Variants in EVA1A observed in about 807,000 individuals in gnomAD.
EVA1A encodes the protein eva-1 homolog A, regulator of programmed cell death.
A neutral mutation model predicts 9.8 loss-of-function variants in EVA1A; 7 were observed. The observed-to-expected ratio is 0.71, with a 90% CI of 0.41 to 1.34. The LOEUF is 1.34. Among genes scored for constraint, EVA1A ranks in the 40% most tolerant of loss-of-function variants. EVA1A has a pLI of 0.01. For synonymous variants in EVA1A, 90 were observed against 85.6 expected, an observed-to-expected ratio of 1.05 and a Z score of -0.28; for missense variants, 206 against 205.9, an observed-to-expected ratio of 1.00 and a Z score of 0.00.
At chr2:75,495,837 G>A (rs1020608881) in intron 3 of EVA1A, among the ~76,000 whole-genome samples, 1 of 152,124 alleles carries the variant, frequency 6.6e-6, no homozygotes, top group African/African-American at 2.4e-5. Flanking sequence ...TACATCATCA[G>A]CCTCAATCTT....
upstream of EVA1A, among the ~76,000 whole-genome samples, chr2:75,561,795 A>G (rs1676929983): frequency 6.6e-6 from 1 of 152,162 alleles, no homozygotes; most frequent in South Asian, 2.1e-4. Flanking sequence ...ATGGTGGGGA[A>G]CAGGGAGGAA....
rs1675536045 is a variant in EVA1A, at chr2:75,528,594, TC to T, written c.-191-6108del. On this transcript the variant is annotated intron_variant, in intron 1 of 3. Coordinates refer to ENST00000393913, the MANE Select transcript of EVA1A (RefSeq NM_001135032.2). ...CATTGGCCTGAGAACCACTGCCCCG[TC>T]CCCCCAGGTGGTCTCTGCAGGCACC... Among the ~76,000 whole-genome samples, 5 of 151,938 alleles carry T rather than the reference TC, an allele frequency of 3.3e-5. No homozygotes were observed. In the South Asian group the frequency reaches 1.0e-3, roughly 32 times the overall value.
At chr2:75,501,780 AATC>A (rs1334849414) in intron 3 of EVA1A, among the ~76,000 whole-genome samples, 1 of 152,176 alleles carries the variant, frequency 6.6e-6, no homozygotes, top group East Asian at 1.9e-4. Flanking sequence ...AGTAAGTGGG[AATC>A]AGCAGGCGAG....
chr2:75,529,185 C>G (rs1006791216), intron 1 of EVA1A, among the ~76,000 whole-genome samples: 6 of 152,064 alleles, frequency 3.9e-5, no homozygotes, highest in African/African-American at 1.2e-4. Context: ...TTCAGCAAAC[C>G]CTAACCCTAA....
chr2:75,493,530 T>C lies in EVA1A; in HGVS notation c.165A>G (p.Ile55Met), dbSNP rs781069803. 4.3e-6 allele frequency: 7 copies of C among 1,614,180 alleles called. No individual in the cohort carries two copies. The Admixed American group carries it at 1.2e-4, about 27-fold the overall frequency. Residue 55 changes from isoleucine (I) to methionine (M), a missense_variant, in exon 4 of 4, where the codon ATA becomes ATG. By Grantham distance (10) the Ile-to-Met change is conservative (BLOSUM62 1). Transcript: ENST00000393913. ...GLVLTLAALV[I>M]RISCHTDCRR... ...TGCAGTCTGTGTGGCAAGAGATCCT[T>C]ATCACCAGAGCAGCCAGGGTCAGCA...
chr2:75,504,734 C>T (rs1257603488), intron 3 of EVA1A, among the ~76,000 whole-genome samples: 2 of 137,116 alleles, frequency 1.5e-5, no homozygotes, highest in African/African-American at 2.8e-5. Context: ...TGTTCTCACT[C>T]ATAAGTGGGA....
intron 3 of EVA1A, among the ~76,000 whole-genome samples, chr2:75,508,297 C>A (rs1674689638): frequency 6.6e-6 from 1 of 152,182 alleles, no homozygotes; most frequent in South Asian, 2.1e-4. Flanking sequence ...CAGAACAGAG[C>A]CATATTTCTC....
At chr2:75,504,465 C>T (rs969295605) in intron 3 of EVA1A, among the ~76,000 whole-genome samples, 6 of 152,176 alleles carry the variant, frequency 3.9e-5, no homozygotes, top group Non-Finnish European at 5.9e-5. Flanking sequence ...TGCCCCACCC[C>T]ATTGGAAAGG....
intron 3 of EVA1A, among the ~76,000 whole-genome samples, chr2:75,505,080 C>T (rs1392851913): frequency 3.9e-5 from 6 of 152,206 alleles, no homozygotes; most frequent in African/African-American, 1.4e-4. Context: ...TCTTCCCCTG[C>T]AAGGGAAAGA....
intron 1 of EVA1A, among the ~76,000 whole-genome samples, chr2:75,535,550 C>A (rs1675852249): frequency 6.6e-6 from 1 of 152,128 alleles, no homozygotes; most frequent in African/African-American, 2.4e-5. Flanking sequence ...GTAACCTCAG[C>A]CAATGAATAA....
intron 3 of EVA1A, among the ~76,000 whole-genome samples, chr2:75,496,789 T>C (rs986157158): frequency 6.6e-6 from 1 of 152,146 alleles, no homozygotes; most frequent in East Asian, 1.9e-4. Flanking sequence ...CTTCAAGTTA[T>C]ATTATAAGGC....
At chr2:75,521,763 TA>T (rs1675238265) in intron 2 of EVA1A, among the ~76,000 whole-genome samples, 1 of 152,222 alleles carries the variant, frequency 6.6e-6, no homozygotes, top group Non-Finnish European at 1.5e-5. Context: ...GGTTGCACAA[TA>T]ATGTAAATAT....
chr2:75,558,091 GT>G (rs1364048406), intron 1 of EVA1A, among the ~76,000 whole-genome samples: 2 of 152,212 alleles, frequency 1.3e-5, no homozygotes, highest in African/African-American at 4.8e-5. Context: ...CTGTGCCTCT[GT>G]TTCTTTGTCT....
intron 1 of EVA1A, among the ~76,000 whole-genome samples, chr2:75,555,324 T>TCC: frequency 6.7e-6 from 1 of 148,194 alleles, no homozygotes; most frequent in South Asian, 2.3e-4. Context: ...TCTCTCTCTC[T>TCC]CTCTCTCTCT....
At chr2:75,540,327 A>G (rs1676065281) in intron 1 of EVA1A, among the ~76,000 whole-genome samples, 1 of 152,242 alleles carries the variant, frequency 6.6e-6, no homozygotes, top group Admixed American at 6.5e-5. Flanking sequence ...ACATTTTCTC[A>G]TCATTTCCTA....
intron 1 of EVA1A, among the ~76,000 whole-genome samples, chr2:75,567,546 G>C (rs903006176): frequency 4.6e-5 from 7 of 152,178 alleles, no homozygotes; most frequent in African/African-American, 1.7e-4. Context: ...ATCATACCGA[G>C]CTCTTAATCT....
chr2:75,498,336 A>C (rs1476052776), intron 3 of EVA1A, among the ~76,000 whole-genome samples: 1 of 18,764 alleles, frequency 5.3e-5, no homozygotes, highest in Non-Finnish European at 9.8e-5. Flanking sequence ...TTAGAGGGGG[A>C]GGGTGGGGTG....
intron 3 of EVA1A, among the ~76,000 whole-genome samples, chr2:75,503,308 C>G (rs1158417530): frequency 6.6e-6 from 1 of 152,236 alleles, no homozygotes; most frequent in South Asian, 2.1e-4. Flanking sequence ...GTGATCCACC[C>G]TGGTCTTGAC....
upstream of EVA1A, among the ~76,000 whole-genome samples, chr2:75,563,720 A>AC (rs1279554268): frequency 3.3e-5 from 5 of 152,016 alleles, no homozygotes; most frequent in Admixed American, 3.3e-4. Context: ...ACCTCTGCCC[A>AC]CCCCCATTCT....
Sources: allele counts gnomAD v4.1 joint callset (sites outside exome capture counted in the v4.1 genomes callset), GRCh38; gene constraint gnomAD v4.1.1; transcripts MANE v1.5; gene names NCBI Gene and HGNC (gene_info 2026-07-23, HGNC 2026-07-21).